The following FANCA variants were observed in gnomAD, a reference collection of about 807,000 sequenced individuals.
FANCA encodes the protein FA complementation group A, also known as Fanconi anemia group A protein.
FANCA carries 236 observed loss-of-function variants against 194.3 expected under a neutral mutation model. That is an observed-to-expected ratio of 1.21 (90% CI 1.09 to 1.35). The LOEUF (loss-of-function observed/expected upper bound fraction) is 1.35, where lower values mean the gene tolerates loss of function less well. FANCA is among the 40% of genes most tolerant of loss of function. FANCA has a pLI of 0.00. For missense variants in FANCA, 2,628 were observed against 1,813.9 expected, an observed-to-expected ratio of 1.45 and a Z score of -8.15; for synonymous variants, 1,014 against 715.8, an observed-to-expected ratio of 1.42 and a Z score of -6.65.
At chr16:89,746,274 G>A (rs987391260) in intron 35 of FANCA, among the ~76,000 whole-genome samples, 7 of 152,318 alleles carry the variant, frequency 4.6e-5, no homozygotes, top group Middle Eastern at 3.4e-3. Context: ...ACCCAAGACC[G>A]TGAACAAACA....
At chr16:89,808,237 A>C in intron 6 of FANCA, 57 bp downstream of exon 6, 2 of 1,539,228 alleles carry the variant, frequency 1.3e-6, no homozygotes, top group South Asian at 2.2e-5. Context: ...TTGAAATATA[A>C]TTTATACTAG....
chr16:89,742,123 C>A (rs531506168), intron 37 of FANCA, among the ~76,000 whole-genome samples: 1 of 151,964 alleles, frequency 6.6e-6, no homozygotes, highest in African/African-American at 2.4e-5. Context: ...ATTGTAGGTG[C>A]GCACCACCAC....
chr16:89,808,702 C>G (rs923742803), intron 5 of FANCA, among the ~76,000 whole-genome samples: 6 of 152,188 alleles, frequency 3.9e-5, no homozygotes, highest in Admixed American at 3.9e-4. Context: ...ACAGTCTCTC[C>G]TTCAGAAGCC....
Position 89,779,082 on chromosome 16 carries a change from G to A in FANCA, c.1716-79C>T, listed in dbSNP as rs1241053291. On this transcript the variant is annotated intron_variant, in intron 18 of 42. Coordinates refer to ENST00000389301, the MANE Select transcript of FANCA (RefSeq NM_000135.4). The stretch of plus-strand genomic sequence containing the variant: ...CCCACAGACGGTGACCGGTGTTTCA[G>A]AGAGTGGACTGCGAGGGCTCACTCC... 3.6e-6 allele frequency: 5 copies of A among 1,376,068 alleles called. No individual in the cohort carries two copies. The African/African-American group carries it at 5.7e-5, about 16-fold the overall frequency. 85.2% of individuals were successfully genotyped at this position (1,376,068 alleles called of 1,614,324 possible).
At chr16:89,805,619 C>T (rs1401938927) in intron 6 of FANCA, among the ~76,000 whole-genome samples, 1 of 152,132 alleles carries the variant, frequency 6.6e-6, no homozygotes, top group Non-Finnish European at 1.5e-5. Flanking sequence ...CCACCACGCC[C>T]AGCTGGAGGT....
intron 9 of FANCA, 91 bp downstream of exon 9, chr16:89,799,514 A>T: frequency 7.8e-7 from 1 of 1,285,850 alleles, no homozygotes; most frequent in Non-Finnish European, 1.1e-6. Context: ...ACAGAGGAGA[A>T]ATACCTCAAA....
chr16:89,784,224 C>T (rs2039818308), intron 15 of FANCA, among the ~76,000 whole-genome samples: 2 of 151,870 alleles, frequency 1.3e-5, no homozygotes, highest in Admixed American at 1.3e-4. Flanking sequence ...AAAGAAAAAA[C>T]AGCCAGGTTT....
In FANCA at chr16:89,737,629, A is replaced by C; in HGVS notation, c.*972T>G. On this transcript the variant is annotated 3_prime_UTR_variant, in exon 43 of 43. Coordinates refer to ENST00000389301, the MANE Select transcript of FANCA (RefSeq NM_000135.4). ...TGATGAAGCCACGTGACAGTGTATA[A>C]AGCAGTTTAAAGATCTTAATAAACG... 1 of 1,240,578 alleles carries C rather than the reference A, an allele frequency of 8.1e-7. No homozygotes were observed. The highest frequency in any genetic ancestry group is 1.1e-6 in the Non-Finnish European group (1 of 918,580). 76.8% of individuals were successfully genotyped at this position (1,240,578 alleles called of 1,614,324 possible).
intron 23 of FANCA, among the ~76,000 whole-genome samples, chr16:89,771,155 CAAAA>C (rs34471552): frequency 5.3e-5 from 3 of 56,618 alleles, no homozygotes. Flanking sequence ...AAGACTCAGT[CAAAA>C]AAAAAAAAAA....
At chr16:89,797,153 C>T (rs933760171) in intron 10 of FANCA, among the ~76,000 whole-genome samples, 1 of 151,898 alleles carries the variant, frequency 6.6e-6, no homozygotes, top group African/African-American at 2.4e-5. Context: ...GAGCGAAATT[C>T]TGTCTCAAAA....
At chr16:89,743,001 C>G in intron 36 of FANCA, 63 bp from the exon 37 acceptor site, 1 of 1,578,494 alleles carries the variant, frequency 6.3e-7, no homozygotes. Context: ...CCATAGAAAC[C>G]AAGTCCTTAT....
intron 26 of FANCA, among the ~76,000 whole-genome samples, chr16:89,767,455 C>T (rs2039168782): frequency 6.6e-6 from 1 of 152,030 alleles, no homozygotes; most frequent in South Asian, 2.1e-4. Flanking sequence ...GCAATCTCTG[C>T]CTCCCGGGTT....
At chr16:89,766,892 T>C (rs976697553) in intron 27 of FANCA, among the ~76,000 whole-genome samples, 2 of 152,224 alleles carry the variant, frequency 1.3e-5, no homozygotes, top group African/African-American at 4.8e-5. Context: ...GTTGTCTTCA[T>C]ACAACTTCAC....
At chr16:89,790,844 T>C (rs1227232308) in intron 14 of FANCA, among the ~76,000 whole-genome samples, 5 of 151,994 alleles carry the variant, frequency 3.3e-5, no homozygotes, top group Admixed American at 2.0e-4. Context: ...TTTTTTTTCT[T>C]TTTGGGATGG....
rs778254482 is a variant in FANCA at position 89,761,959 on chromosome 16, C to G, written c.2842G>C (p.Asp948His). ...EIQPEADALSDTERQDFHQWA... is the reference protein window; with the variant it reads ...EIQPEADALSHTERQDFHQWA... ...CTTTTCAACACTTACCGTTCAGTAT[C>G]TGAAAGAGCATCAGCTTCAGGTTGA... Residue 948 changes from aspartate to histidine, a missense_variant, in exon 29 of 43, where the codon GAT (aspartate) becomes CAT (histidine). Asp to His is a moderately conservative substitution (Grantham distance 81). Transcript: ENST00000389301. 1.5e-5 allele frequency: 25 copies of G among 1,613,776 alleles called. No individual in the cohort carries two copies. The Admixed American group carries it at 3.0e-4, about 19-fold the overall frequency.
At chr16:89,739,433 T>TA (rs2062065344) in intron 40 of FANCA, 45 bp downstream of exon 40, 1 of 1,553,586 alleles carries the variant, frequency 6.4e-7, no homozygotes, top group Non-Finnish European at 8.7e-7. Context: ...GATGGGGGTC[T>TA]GGGAAACACT....
In FANCA at chr16:89,739,523, A is replaced by T. The variant is rs1276681258; in HGVS notation, c.3965T>A (p.Val1322Glu). Residue 1322 changes from valine to glutamate, a missense_variant, in exon 40 of 43, where the codon GTG (valine) becomes GAG (glutamate). Coordinates refer to ENST00000389301, the MANE Select transcript of FANCA (RefSeq NM_000135.4). ...CAGCCTGGTGTGCTGATCCGGGGCC[A>T]CACGGAGGAGGAGCCGCCCCAGCCT... ...DLRLGRLLLRVAPDQHTRLLP... is the reference protein window; with the variant it reads ...DLRLGRLLLREAPDQHTRLLP... The T allele has an allele frequency of 6.4e-7, 1 of 1,551,280 alleles. No homozygotes were observed. Among genetic ancestry groups the T allele is most frequent in the Non-Finnish European group, 8.7e-7 (1 of 1,147,110 alleles).
chr16:89,816,068 G>A lies in FANCA; in HGVS notation c.80-82C>T. 5 of 1,044,728 alleles carry A rather than the reference G, an allele frequency of 4.8e-6. 1 individual carries two copies. Among genetic ancestry groups the A allele is most frequent in the South Asian group, 3.8e-5 (3 of 78,684 alleles). The allele number at this position is 1,044,728 out of a possible 1,614,324, so 64.7% of individuals were successfully genotyped here. ...GGCCCGACGCGCAGGTGGACGCCGC[G>A]GAGAAACCCACCAGCGACACCCTCC... On this transcript the variant is annotated intron_variant, in intron 1 of 42. Coordinates refer to ENST00000389301, the MANE Select transcript of FANCA (RefSeq NM_000135.4).
At chr16:89,745,206 A>C (rs1598067831) in intron 35 of FANCA, 135 bp from the exon 36 acceptor site, 2 of 814,314 alleles carry the variant, frequency 2.5e-6, no homozygotes, top group East Asian at 2.7e-5. Flanking sequence ...GGAACTCCAA[A>C]GCCAGTATTT....
Sources: gnomAD v4.1 joint callset for allele counts (sites outside exome capture counted in the v4.1 genomes callset) on GRCh38, gnomAD v4.1.1 for gene constraint, MANE v1.5 for transcripts, NCBI Gene and HGNC (gene_info 2026-07-23, HGNC 2026-07-21) for gene names.